Variants in ATP2A2 observed in about 807,000 individuals in gnomAD.
The protein encoded by ATP2A2 is ATPase sarcoplasmic/endoplasmic reticulum Ca2+ transporting 2.
In ATP2A2, 14 loss-of-function variants were observed where a neutral mutation model predicts 109.3. The ratio of observed to expected loss-of-function variants is 0.13; its 90% confidence interval spans 0.08 to 0.20. The LOEUF (loss-of-function observed/expected upper bound fraction) is 0.20. ATP2A2 is among the 10% of genes least tolerant of loss of function. The pLI is 1.00. For synonymous variants in ATP2A2, 506 were observed against 490.9 expected (o/e 1.03, Z -0.41); for missense variants, 657 against 1,321.6 (o/e 0.50, Z 7.80).
At chr12:110,289,683 A>C (rs1372282556) in intron 3 of ATP2A2, among the ~76,000 whole-genome samples, 1 of 152,128 alleles carries the variant, frequency 6.6e-6, no homozygotes, top group African/African-American at 2.4e-5. Context: ...TACTAAGTAG[A>C]TCTTTTAAAG....
chr12:110,340,552 GAAA>G lies in ATP2A2; in HGVS notation c.1762-101_1762-99del. On this transcript the variant is annotated intron_variant, in intron 13 of 19. Coordinates refer to ENST00000539276, the MANE Select transcript of ATP2A2 (RefSeq NM_170665.4). This position sits in a 1 kb window ranked among gnomAD's most constrained non-coding sequence, Gnocchi z 6.0. Reference sequence around the variant, plus strand: ...AAACTCCGCCTCAAAAAAAAAAAAAGAAAAAAAATGCAGAAACCTGTCTCAATG... The same window carrying G: ...AAACTCCGCCTCAAAAAAAAAAAAAGAAAAATGCAGAAACCTGTCTCAATG... 8.8e-7 allele frequency: 1 copy of G among 1,139,630 alleles called. No homozygotes were observed. 70.6% of individuals were successfully genotyped at this position (1,139,630 alleles called of 1,614,324 possible).
intron 18 of ATP2A2, 162 bp downstream of exon 18, chr12:110,345,544 C>T (rs1203302315): frequency 2.3e-5 from 26 of 1,126,150 alleles, no homozygotes; most frequent in Non-Finnish European, 3.2e-5. Flanking sequence ...GCTGTCGTCA[C>T]CTCCAGGAAG....
intron 3 of ATP2A2, among the ~76,000 whole-genome samples, chr12:110,290,235 A>T (rs559265678): frequency 6.6e-6 from 1 of 152,206 alleles, no homozygotes; most frequent in Non-Finnish European, 1.5e-5. Flanking sequence ...GGGTCTCGCT[A>T]TGTTGCCCAG....
At chr12:110,281,997 C>T in intron 1 of ATP2A2, 90 bp downstream of exon 1, 3 of 1,062,238 alleles carry the variant, frequency 2.8e-6, no homozygotes, top group South Asian at 1.7e-5. Flanking sequence ...TGGGCTTCGG[C>T]TCCGCGCCCG....
At position 110,290,992 on chromosome 12, in the gene ATP2A2, T is replaced by G. The variant is rs573149132; in HGVS notation, c.220-1028T>G. ...GGTGCGATCTTGGCTCACCGCAACCTCTGCCTCCCGGGTTCAAGCGATTCT... is the reference window on the plus strand; with the variant it reads ...GGTGCGATCTTGGCTCACCGCAACCGCTGCCTCCCGGGTTCAAGCGATTCT... On this transcript the variant is annotated intron_variant, in intron 3 of 19. Coordinates refer to ENST00000539276, the MANE Select transcript of ATP2A2 (RefSeq NM_170665.4). 1.9e-3 allele frequency among the ~76,000 whole-genome samples: 293 copies of G among 152,070 alleles called. 1 individual carries two copies. Among genetic ancestry groups the G allele is most frequent in the African/African-American group, 6.8e-3 (280 of 41,478 alleles).
At chr12:110,306,629 T>C (rs1214207955) in intron 5 of ATP2A2, among the ~76,000 whole-genome samples, 1 of 152,224 alleles carries the variant, frequency 6.6e-6, no homozygotes, top group Non-Finnish European at 1.5e-5. Flanking sequence ...GTTTTCTGGG[T>C]TAACTCACTT....
intron 3 of ATP2A2, among the ~76,000 whole-genome samples, chr12:110,286,086 G>A (rs771728207): frequency 6.6e-6 from 1 of 151,930 alleles, no homozygotes; most frequent in Non-Finnish European, 1.5e-5. Flanking sequence ...ACCACGCCCG[G>A]CTAATTTTTG....
chr12:110,312,774 C>T lies in ATP2A2; in HGVS notation c.464-10218C>T, dbSNP rs964526559. Among the ~76,000 whole-genome samples, 21 of 149,024 alleles carry T rather than the reference C, an allele frequency of 1.4e-4. 1 individual carries two copies. The highest frequency in any genetic ancestry group is 9.5e-4 in the Admixed American group (14 of 14,774). On this transcript the variant is annotated intron_variant, in intron 5 of 19. Transcript: ENST00000539276. ...CTGAGGCACGAGAATCGCCTAAACC[C>T]AGGAGATGGAAGCTGCAATGAGCCT...
At chr12:110,312,197 A>G (rs1241652806) in intron 5 of ATP2A2, among the ~76,000 whole-genome samples, 1 of 151,996 alleles carries the variant, frequency 6.6e-6, no homozygotes. Flanking sequence ...TCCCAAAAAA[A>G]GTTCGGGGGG....
rs1592844188 is a variant in ATP2A2 at position 110,326,415 on chromosome 12, C to T, written c.570C>T (p.His190=). The part of the protein sequence containing the change: ...LTGESVSVIK[H]TDPVPDPRAV... The stretch of plus-strand genomic sequence containing the variant: ...GTGAATCTGTCTCTGTCATCAAGCA[C>T]ACTGATCCCGTCCCTGACCCACGAG... Residue 190 remains histidine (H), a synonymous_variant, in exon 7 of 20, where the codon CAC becomes CAT. Coordinates refer to ENST00000539276, the MANE Select transcript of ATP2A2 (RefSeq NM_170665.4). 1.2e-6 allele frequency: 2 copies of T among 1,614,128 alleles called. No homozygotes were observed. Among genetic ancestry groups the T allele is most frequent in the Non-Finnish European group, 1.7e-6 (2 of 1,180,020 alleles).
At chr12:110,319,616 CATA>C (rs1877035117) in intron 5 of ATP2A2, among the ~76,000 whole-genome samples, 1 of 148,462 alleles carries the variant, frequency 6.7e-6, no homozygotes, top group Non-Finnish European at 1.5e-5. Context: ...CTTTCATATA[CATA>C]ATATATACTA....
intron 5 of ATP2A2, among the ~76,000 whole-genome samples, chr12:110,318,410 G>A (rs1284964975): frequency 1.3e-5 from 2 of 152,194 alleles, no homozygotes; most frequent in Non-Finnish European, 1.5e-5. Flanking sequence ...TGCATAAAAT[G>A]AAGAGGACAT....
intron 11 of ATP2A2, among the ~76,000 whole-genome samples, chr12:110,334,586 C>CTT (rs67776124): frequency 0.039 from 4,431 of 114,430 alleles, 357 homozygotes; most frequent in African/African-American, 0.11. Flanking sequence ...TCAATTAAAC[C>CTT]TTTTTTTTTT....
chr12:110,329,403 A>G (rs187115218), intron 8 of ATP2A2: 3 of 152,958 alleles, frequency 2.0e-5, no homozygotes, highest in South Asian at 4.1e-4. Context: ...TTCATCATAT[A>G]TATTTTTGTT....
In ATP2A2 at chr12:110,309,140, A is replaced by ATTTTTTTTTTTTTTTTTTTTTTTTTTT. The variant is rs10665212; in HGVS notation, c.463+12412_463+12438dup. Among the ~76,000 whole-genome samples the ATTTTTTTTTTTTTTTTTTTTTTTTTTT allele has an allele frequency of 1.0e-4, 5 of 48,902 alleles. 1 individual carries two copies. The highest frequency in any genetic ancestry group is 1.8e-4 in the Non-Finnish European group (5 of 28,424). 32.1% of individuals were successfully genotyped at this position (48,902 alleles called of 152,430 possible). On this transcript the variant is annotated intron_variant, in intron 5 of 19. Coordinates refer to ENST00000539276, the MANE Select transcript of ATP2A2 (RefSeq NM_170665.4). ...ATGGAGAGAGAGTTTAAGGAAACTAATTTTTTTTTTTTTTTTTTTTTTTTT... is the reference window on the plus strand; with the variant it reads ...ATGGAGAGAGAGTTTAAGGAAACTAATTTTTTTTTTTTTTTTTTTTTTTTTTTTTTTTTTTTTTTTTTTTTTTTTTTT...
chr12:110,329,094 T>G lies in ATP2A2; in HGVS notation c.1095+1077T>G, dbSNP rs538338909. 1.5e-4 allele frequency among the ~76,000 whole-genome samples: 23 copies of G among 152,364 alleles called. No homozygotes were observed. The South Asian group carries it at 3.9e-3, about 26-fold the overall frequency. The stretch of plus-strand genomic sequence containing the variant: ...CAAACTCTGCAGATGCTCAAGTCTC[T>G]GAAATGAAATGGTTCAGTACTTGCA... On this transcript the variant is annotated intron_variant, in intron 8 of 19. Transcript: ENST00000539276.
In ATP2A2 at chr12:110,300,351, CT is replaced by C. The variant is rs34894637; in HGVS notation, c.463+3634del. On this transcript the variant is annotated intron_variant, in intron 5 of 19. Coordinates refer to ENST00000539276, the MANE Select transcript of ATP2A2 (RefSeq NM_170665.4). ...TACAGGCACATGACACCATGCCCAG[CT>C]TTTTTTTTTTTTTTTTTTTAAAGAC... is the stretch of plus-strand genomic sequence containing the variant. Among the ~76,000 whole-genome samples the C allele has an allele frequency of 1.6e-3, 170 of 104,430 alleles. 1 individual carries two copies. The highest frequency in any genetic ancestry group is 6.7e-3 in the Middle Eastern group (1 of 150). The allele number at this position is 104,430 out of a possible 152,430, so 68.5% of individuals were successfully genotyped here. A position where few individuals can be genotyped will look rare whatever the true frequency, so the allele number is the denominator to read the frequency against.
chr12:110,309,654 G>A (rs1875787512), intron 5 of ATP2A2, among the ~76,000 whole-genome samples: 1 of 152,058 alleles, frequency 6.6e-6, no homozygotes, highest in African/African-American at 2.4e-5. Context: ...TGTAATCTCA[G>A]CACTTTTGGG....
chr12:110,284,163 CTTGA>C (rs1427409502), intron 3 of ATP2A2, among the ~76,000 whole-genome samples: 3 of 152,104 alleles, frequency 2.0e-5, no homozygotes, highest in Admixed American at 1.3e-4. Context: ...AATGTTTCTT[CTTGA>C]TTGATTAAAA....
Sources: allele counts gnomAD v4.1 joint callset (sites outside exome capture counted in the v4.1 genomes callset), GRCh38; gene constraint gnomAD v4.1.1; non-coding constraint Gnocchi (gnomAD v3.1); transcripts MANE v1.5; gene names NCBI Gene and HGNC (gene_info 2026-07-23, HGNC 2026-07-21).